EDIL3: variants seen among roughly 807,000 people sequenced by gnomAD.
EDIL3 encodes EGF-like repeat and discoidin I-like domain-containing protein 3.
In EDIL3, 37 loss-of-function variants were observed where a neutral mutation model predicts 67.4. The observed-to-expected ratio is 0.55, with a 90% confidence interval of 0.42 to 0.72. EDIL3 has a LOEUF of 0.72. Ranked by LOEUF, EDIL3 falls within the 30% of genes least tolerant of loss-of-function variation. The pLI is 0.00. For synonymous variants in EDIL3, 195 were observed against 196.3 expected (o/e 0.99, Z 0.05); for missense variants, 527 against 586.3 (o/e 0.90, Z 1.04).
chr5:83,999,872 T>C (rs953537730), intron 9 of EDIL3, among the ~76,000 whole-genome samples: 3 of 151,484 alleles, frequency 2.0e-5, no homozygotes, highest in Admixed American at 1.3e-4. Context: ...AGGTCAATGA[T>C]AAAGAAAGGA....
chr5:83,956,857 T>G (rs1171733328), intron 10 of EDIL3, among the ~76,000 whole-genome samples: 1 of 151,736 alleles, frequency 6.6e-6, no homozygotes, highest in Non-Finnish European at 1.5e-5. Context: ...TACCTGTCTA[T>G]GTACACACAC....
chr5:84,360,232 GA>G (rs780365588), intron 1 of EDIL3, among the ~76,000 whole-genome samples: 5 of 152,192 alleles, frequency 3.3e-5, no homozygotes, highest in Non-Finnish European at 7.3e-5. Flanking sequence ...GAGAAGGTGG[GA>G]GGAGAAAAGG....
intron 1 of EDIL3, among the ~76,000 whole-genome samples, chr5:84,311,132 T>C (rs1169035062): frequency 6.6e-6 from 1 of 152,060 alleles, no homozygotes. Context: ...TTATTTCCGG[T>C]TTTTTAATAT....
At chr5:83,990,817 T>C (rs1271876730) in intron 9 of EDIL3, among the ~76,000 whole-genome samples, 2 of 150,952 alleles carry the variant, frequency 1.3e-5, no homozygotes, top group Admixed American at 1.3e-4. Context: ...GAGGTGGAGG[T>C]TGCAGTGAGA....
chr5:84,247,545 G>T (rs967138207), intron 2 of EDIL3, among the ~76,000 whole-genome samples: 3 of 151,988 alleles, frequency 2.0e-5, no homozygotes, highest in Non-Finnish European at 2.9e-5. Context: ...TATTTTCTGG[G>T]ATAAATATAT....
chr5:83,994,143 G>A (rs566510036), intron 9 of EDIL3, among the ~76,000 whole-genome samples: 224 of 152,142 alleles, frequency 1.5e-3, no homozygotes, highest in Non-Finnish European at 2.6e-3. Flanking sequence ...GGCATTTTAC[G>A]CTTCCTTTAT....
At chr5:84,343,631 C>T (rs1747171990) in intron 1 of EDIL3, among the ~76,000 whole-genome samples, 3 of 151,974 alleles carry the variant, frequency 2.0e-5, no homozygotes, top group Admixed American at 2.0e-4. Flanking sequence ...CCAATCTAAC[C>T]AAACAAACAT....
rs549453698 is a variant in EDIL3 at position 84,256,778 on chromosome 5, G to A, written c.68-2566C>T. ...TGAATCAGATGGAGGAGGTTGGGCC[G>A]AGGGAAAAAGGAAAATGCATTTATT... On this transcript the variant is annotated intron_variant, in intron 1 of 10. Transcript: ENST00000296591. Among the ~76,000 whole-genome samples, 3 of 152,150 alleles carry A rather than the reference G, an allele frequency of 2.0e-5. No individual in the cohort carries two copies. In the South Asian group the frequency reaches 6.2e-4, roughly 32 times the overall value.
At chr5:84,193,970 C>A (rs1017595412) in intron 3 of EDIL3, among the ~76,000 whole-genome samples, 1 of 151,810 alleles carries the variant, frequency 6.6e-6, no homozygotes, top group South Asian at 2.1e-4. Flanking sequence ...TTATTTTATA[C>A]CAAATAATAT....
intron 4 of EDIL3, among the ~76,000 whole-genome samples, chr5:84,175,101 T>C (rs1748880076): frequency 6.6e-6 from 1 of 152,192 alleles, no homozygotes; most frequent in East Asian, 1.9e-4. Flanking sequence ...TGGACCACAC[T>C]GTATGTAACC....
At chr5:83,943,988 G>C (rs948219595) in intron 10 of EDIL3, among the ~76,000 whole-genome samples, 6 of 152,112 alleles carry the variant, frequency 3.9e-5, no homozygotes, top group African/African-American at 7.2e-5. Context: ...CATTCACAAG[G>C]GGCAAGGGGA....
chr5:84,217,976 A>C (rs1319063184), intron 3 of EDIL3, among the ~76,000 whole-genome samples: 1 of 152,184 alleles, frequency 6.6e-6, no homozygotes, highest in East Asian at 1.9e-4. Flanking sequence ...AACAGCACAC[A>C]ATCTAAGTAT....
chr5:84,338,045 G>T (rs183138094), intron 1 of EDIL3, among the ~76,000 whole-genome samples: 25 of 151,742 alleles, frequency 1.6e-4, no homozygotes, highest in African/African-American at 5.8e-4. Context: ...CAAATAATTG[G>T]GCATAAAAAT....
At chr5:83,946,213 G>A (rs891887803) in intron 10 of EDIL3, among the ~76,000 whole-genome samples, 1 of 151,952 alleles carries the variant, frequency 6.6e-6, no homozygotes, top group Non-Finnish European at 1.5e-5. Flanking sequence ...CTATATAGGA[G>A]TGAAAATATT....
At chr5:84,043,568 T>G (rs75873534) in intron 9 of EDIL3, among the ~76,000 whole-genome samples, 3,807 of 152,268 alleles carry the variant, frequency 0.025, 163 homozygotes, top group African/African-American at 0.086. Flanking sequence ...ACATTCTATG[T>G]GATGTCAGCC....
chr5:84,225,414 T>C (rs964595462), intron 3 of EDIL3, among the ~76,000 whole-genome samples: 11 of 151,726 alleles, frequency 7.2e-5, no homozygotes, highest in African/African-American at 2.7e-4. Flanking sequence ...AATATTTTCA[T>C]TCTGACATTT....
At chr5:84,365,166 T>A (rs553638194) in intron 1 of EDIL3, among the ~76,000 whole-genome samples, 1 of 152,194 alleles carries the variant, frequency 6.6e-6, no homozygotes, top group African/African-American at 2.4e-5. Context: ...TTTAAATAAA[T>A]TTGAACTGCT....
intron 4 of EDIL3, among the ~76,000 whole-genome samples, chr5:84,150,934 CTA>C (rs980944282): frequency 1.3e-4 from 20 of 151,952 alleles, no homozygotes; most frequent in African/African-American, 4.6e-4. Flanking sequence ...TATACAGTGT[CTA>C]TTTTATTTAT....
chr5:83,974,401 G>C (rs1301966848), intron 9 of EDIL3, among the ~76,000 whole-genome samples: 2 of 151,856 alleles, frequency 1.3e-5, no homozygotes, highest in Non-Finnish European at 2.9e-5. Flanking sequence ...AGATGACTCA[G>C]CAGGAACAGA....
Sources: gnomAD v4.1 joint callset for allele counts (sites outside exome capture counted in the v4.1 genomes callset) on GRCh38, gnomAD v4.1.1 for gene constraint, MANE v1.5 for transcripts, NCBI Gene and HGNC (gene_info 2026-07-23, HGNC 2026-07-21) for gene names.